The following RIMS3 variants were observed in gnomAD, a reference collection of about 807,000 sequenced individuals.
RIMS3 encodes regulating synaptic membrane exocytosis protein 3.
A neutral mutation model predicts 29.2 loss-of-function variants in RIMS3; 15 were observed. The observed-to-expected ratio is 0.51, with a 90% CI of 0.34 to 0.79. RIMS3 has a LOEUF of 0.79. Among genes scored for constraint, RIMS3 ranks in the 30% least tolerant of loss-of-function variants. RIMS3 has a pLI of 0.01. For synonymous variants in RIMS3, 161 were observed against 170.1 expected, an observed-to-expected ratio of 0.95 and a Z score of 0.41; for missense variants, 342 against 421.4, an observed-to-expected ratio of 0.81 and a Z score of 1.65.
intron 4 of RIMS3, among the ~76,000 whole-genome samples, chr1:40,634,618 A>G (rs1455354387): frequency 3.9e-5 from 6 of 152,108 alleles, no homozygotes; most frequent in African/African-American, 1.4e-4. Flanking sequence ...AGATAATGGT[A>G]ATACCCACAA....
At chr1:40,672,858 C>A in the RIMS3 span, among the ~76,000 whole-genome samples, 1 of 123,558 alleles carries the variant, frequency 8.1e-6, no homozygotes. Context: ...GGTAAGACCC[C>A]ATCTCTGGAG....
rs761788711 is a variant in RIMS3 at position 40,635,906 on chromosome 1, C to T, written c.359+10G>A. On this transcript the variant is annotated intron_variant, in intron 4 of 7. Transcript: ENST00000372684. This position sits in a 1 kb window ranked among gnomAD's most constrained non-coding sequence, Gnocchi z 4.1. ...GGAGGGAGGGGACCACAGCACGGGG[C>T]TGCACGCACGTGCCGTCGGAGCTGT... The T allele has an allele frequency of 6.2e-7, 1 of 1,612,292 alleles. No individual in the cohort carries two copies. Among genetic ancestry groups the T allele is most frequent in the East Asian group, 2.2e-5 (1 of 44,878 alleles).
chr1:40,637,963 AG>A (rs1239812645), intron 3 of RIMS3, among the ~76,000 whole-genome samples: 1 of 152,160 alleles, frequency 6.6e-6, no homozygotes, highest in African/African-American at 2.4e-5. Context: ...ACACAGCCTG[AG>A]TTGGGGTCAC....
the RIMS3 span, chr1:40,691,642 C>T: frequency 9.3e-6 from 4 of 429,334 alleles, no homozygotes; most frequent in Non-Finnish European, 1.4e-5. Context: ...ACAGCTTCTG[C>T]GCACCGCACG....
chr1:40,644,854 C>T (rs1339822035), intron 2 of RIMS3, among the ~76,000 whole-genome samples: 5 of 152,184 alleles, frequency 3.3e-5, no homozygotes, highest in Non-Finnish European at 5.9e-5. Flanking sequence ...GGCCCCCGGG[C>T]CTGGAACACT....
At chr1:40,641,506 T>G (rs2148350071) in intron 3 of RIMS3, among the ~76,000 whole-genome samples, 1 of 152,314 alleles carries the variant, frequency 6.6e-6, no homozygotes, top group Middle Eastern at 3.4e-3. Context: ...TTTCTGTTCT[T>G]TGGTACCTGC....
At position 40,648,995 on chromosome 1, in the gene RIMS3, C is replaced by T. The variant is rs1034373633; in HGVS notation, c.-206-1153G>A. Among the ~76,000 whole-genome samples, 4 of 152,194 alleles carry T rather than the reference C, an allele frequency of 2.6e-5. No homozygotes were observed. The South Asian group carries it at 8.3e-4, about 31-fold the overall frequency. ...CACAGAAGGGGGAAAGGGGCTCCTT[C>T]GGCTCTAGTCTCTCCTGTCCCCACT... On this transcript the variant is annotated intron_variant, in intron 1 of 7. Coordinates refer to ENST00000372684, the MANE Select transcript of RIMS3 (RefSeq NM_014747.3).
chr1:40,687,208 G>A, the RIMS3 span, among the ~76,000 whole-genome samples: 95 of 152,292 alleles, frequency 6.2e-4, 2 homozygotes, highest in East Asian at 0.011. Flanking sequence ...GGGCGTAAGC[G>A]TTTAACGTAT....
chr1:40,642,177 G>A (rs763201154), intron 2 of RIMS3, among the ~76,000 whole-genome samples: 1 of 152,186 alleles, frequency 6.6e-6, no homozygotes, highest in African/African-American at 2.4e-5. Context: ...GCAGGTGACC[G>A]GTTTGATGGA....
chr1:40,631,446 G>A (rs1325551807), intron 5 of RIMS3, among the ~76,000 whole-genome samples: 1 of 152,182 alleles, frequency 6.6e-6, no homozygotes, highest in African/African-American at 2.4e-5. Context: ...GCCAAGGCAG[G>A]CGGATTGCCT....
upstream of RIMS3, chr1:40,665,742 T>C (rs989528140): frequency 6.6e-6 from 1 of 152,314 alleles, no homozygotes; most frequent in Non-Finnish European, 1.5e-5. Flanking sequence ...CGGGGCCGCG[T>C]GGATGGGCGG....
rs1016689115 is a variant in RIMS3, at chr1:40,654,117, C to G, written c.-206-6275G>C. ...GGCTGGCGACTCGCTCCCAGTCCCT[C>G]CCCCGCCTGCCCTCCCATCTCCTCC... is the stretch of plus-strand genomic sequence containing the variant. On this transcript the variant is annotated intron_variant, in intron 1 of 7. Coordinates refer to ENST00000372684, the MANE Select transcript of RIMS3 (RefSeq NM_014747.3). The surrounding 1 kb of genome is among the most constrained non-coding windows in gnomAD (Gnocchi z 5.3). Among the ~76,000 whole-genome samples the G allele has an allele frequency of 6.6e-6, 1 of 151,580 alleles. No individual in the cohort carries two copies. The highest frequency in any genetic ancestry group is 2.4e-5 in the African/African-American group (1 of 41,258).
At chr1:40,629,200 G>T in intron 6 of RIMS3, 71 bp downstream of exon 6, 1 of 1,345,228 alleles carries the variant, frequency 7.4e-7, no homozygotes, top group Non-Finnish European at 1.1e-6. Flanking sequence ...AGTGGGAGCT[G>T]AGGACCTGCT....
At chr1:40,653,006 G>A (rs961856515) in intron 1 of RIMS3, among the ~76,000 whole-genome samples, 1 of 152,180 alleles carries the variant, frequency 6.6e-6, no homozygotes, top group Admixed American at 6.5e-5. Context: ...TGATTTACAG[G>A]AAGGATGGGG....
At chr1:40,626,973 A>C (rs971083863) in intron 7 of RIMS3, among the ~76,000 whole-genome samples, 2 of 152,222 alleles carry the variant, frequency 1.3e-5, no homozygotes, top group Non-Finnish European at 2.9e-5. Flanking sequence ...GCTCTGTATC[A>C]TTATTTCCAT....
chr1:40,674,991 C>T, the RIMS3 span, among the ~76,000 whole-genome samples: 2 of 152,134 alleles, frequency 1.3e-5, no homozygotes, highest in Non-Finnish European at 2.9e-5. Flanking sequence ...CCAGGCATGG[C>T]GCCTCACACA....
intron 1 of RIMS3, among the ~76,000 whole-genome samples, chr1:40,657,971 A>G (rs184408086): frequency 1.7e-3 from 260 of 152,316 alleles, no homozygotes; most frequent in Non-Finnish European, 3.3e-3. Context: ...AATAGTACCC[A>G]TCTTATAGAA....
rs557060980 is a variant in RIMS3 at position 40,626,704 on chromosome 1, C to T, written c.740G>A (p.Arg247His). 2.4e-5 allele frequency: 38 copies of T among 1,613,940 alleles called. No individual in the cohort carries two copies. Among genetic ancestry groups the T allele is most frequent in the Admixed American group, 6.7e-5 (4 of 59,994 alleles). Residue 247 changes from arginine to histidine, a missense_variant, in exon 8 of 8, where the codon CGC (arginine) becomes CAC (histidine). Transcript: ENST00000372684. ...GCCCATGAAGCACTTGTGGTCCATG[C>T]GGCCATAGTCTCCCCAGACGATCAC... ...LQVIVWGDYG[R>H]MDHKCFMGMA...
intron 2 of RIMS3, 148 bp from the exon 3 acceptor site, chr1:40,642,104 A>G (rs1235936240): frequency 4.9e-6 from 3 of 610,440 alleles, no homozygotes; most frequent in Admixed American, 2.8e-5. Context: ...TGTCAAGAGC[A>G]TGCACAGGTT....
Sources: allele counts gnomAD v4.1 joint callset (sites outside exome capture counted in the v4.1 genomes callset), GRCh38; gene constraint gnomAD v4.1.1; non-coding constraint Gnocchi (gnomAD v3.1); transcripts MANE v1.5; gene names NCBI Gene and HGNC (gene_info 2026-07-23, HGNC 2026-07-21).